Variants in BCAS3 observed in about 807,000 individuals in gnomAD.
BCAS3 encodes the protein BCAS3 microtubule associated cell migration factor, also known as BCAS4/BCAS3 fusion.
A neutral mutation model predicts 116.1 loss-of-function variants in BCAS3; 53 were observed. The observed-to-expected ratio is 0.46, with a 90% CI of 0.37 to 0.57. BCAS3 has a LOEUF of 0.57. Among genes scored for constraint, BCAS3 ranks in the 20% least tolerant of loss-of-function variants. The pLI is 0.00. For synonymous variants in BCAS3, 391 were observed against 408.2 expected, an observed-to-expected ratio of 0.96 and a Z score of 0.51; for missense variants, 917 against 1,165.4, an observed-to-expected ratio of 0.79 and a Z score of 3.10.
At chr17:60,720,048 A>T (rs2039065582) in intron 5 of BCAS3, 1 of 152,212 alleles carries the variant, frequency 6.6e-6, no homozygotes, top group Non-Finnish European at 1.5e-5. Context: ...ATAAGTAATA[A>T]AGGGTTCTCA....
intron 4 of BCAS3, among the ~76,000 whole-genome samples, chr17:60,703,624 G>T (rs2036709589): frequency 6.7e-6 from 1 of 148,792 alleles, no homozygotes. Context: ...CTGTAAGAAA[G>T]ACTTACCTAG....
At chr17:61,166,702 C>T (rs2078527476) in intron 22 of BCAS3, among the ~76,000 whole-genome samples, 2 of 151,774 alleles carry the variant, frequency 1.3e-5, no homozygotes, top group African/African-American at 4.8e-5. Flanking sequence ...CCATCCTGAA[C>T]TTTTTATTAT....
rs113414128 is a variant in BCAS3 at position 61,127,236 on chromosome 17, G to A, written c.2425+42672G>A. Among the ~76,000 whole-genome samples the A allele has an allele frequency of 1.5e-3, 233 of 152,256 alleles. 2 individuals carry two copies. Among genetic ancestry groups the A allele is most frequent in the African/African-American group, 4.7e-3 (194 of 41,548 alleles). On this transcript the variant is annotated intron_variant, in intron 22 of 23. Coordinates refer to ENST00000407086, the MANE Select transcript of BCAS3 (RefSeq NM_017679.5). ...GCTAAATTATTGCTGAATATTGTCC[G>A]TCGCAGATTGAGGGGTCTCTATTCC...
chr17:61,329,337 A>ATTTTTTT (rs199782162), intron 22 of BCAS3, among the ~76,000 whole-genome samples: 1 of 106,228 alleles, frequency 9.4e-6, no homozygotes, highest in South Asian at 3.6e-4. Flanking sequence ...TATTATTATT[A>ATTTTTTT]TTATTATTTT....
At chr17:60,735,601 A>G (rs1207464877) in intron 5 of BCAS3, among the ~76,000 whole-genome samples, 2 of 150,904 alleles carry the variant, frequency 1.3e-5, no homozygotes, top group African/African-American at 2.5e-5. Context: ...CCACAGGTGC[A>G]TGCCACCATG....
chr17:60,788,364 T>C lies in BCAS3; in HGVS notation c.404-19640T>C, dbSNP rs566711232. ...AAAATGGAAGATTTGTGTTTGGTGC[T>C]TTTTAAGGTCTGATGAGTCTAATCT... On this transcript the variant is annotated intron_variant, in intron 6 of 23. Transcript: ENST00000407086. 1.9e-4 allele frequency among the ~76,000 whole-genome samples: 29 copies of C among 152,294 alleles called. No homozygotes were observed. The South Asian group carries it at 5.8e-3, about 30-fold the overall frequency.
At chr17:60,686,565 G>A (rs1014099923) in intron 3 of BCAS3, among the ~76,000 whole-genome samples, 3 of 150,736 alleles carry the variant, frequency 2.0e-5, no homozygotes, top group Non-Finnish European at 2.9e-5. Context: ...CACTCTTGTC[G>A]CCCAGGCTGG....
intron 6 of BCAS3, among the ~76,000 whole-genome samples, chr17:60,749,986 T>G (rs145949411): frequency 6.6e-6 from 1 of 152,074 alleles, no homozygotes; most frequent in Non-Finnish European, 1.5e-5. Flanking sequence ...GCCAACATAG[T>G]GAAACCTCGT....
intron 7 of BCAS3, among the ~76,000 whole-genome samples, chr17:60,829,206 A>T (rs1012571883): frequency 2.0e-5 from 3 of 152,082 alleles, no homozygotes; most frequent in African/African-American, 7.2e-5. Flanking sequence ...GTATAACAAT[A>T]GTAGAGGGTC....
chr17:61,086,838 C>T (rs749911663), intron 22 of BCAS3: 11 of 985,264 alleles, frequency 1.1e-5, no homozygotes, highest in Middle Eastern at 1.0e-3. Context: ...ATTCTCTCTT[C>T]AGCTACCTCT....
At position 60,860,378 on chromosome 17, in the gene BCAS3, A is replaced by G. The variant is rs577156478; in HGVS notation, c.477-8198A>G. ...TTGCTTGTTGACTTATAGATTCTGT[A>G]TATTAGACCTTTGTCAGATGCATAG... is the stretch of plus-strand genomic sequence containing the variant. On this transcript the variant is annotated intron_variant, in intron 7 of 23. Transcript: ENST00000407086. 6.6e-5 allele frequency among the ~76,000 whole-genome samples: 10 copies of G among 152,256 alleles called. No homozygotes were observed. The East Asian group carries it at 1.2e-3, about 18-fold the overall frequency.
chr17:60,695,308 C>T lies in BCAS3; in HGVS notation c.214+5547C>T, dbSNP rs370354742. Reference sequence around the variant, plus strand: ...GCTAATTTTTGTATTTTTGTAGAGACGGGGTTTCATCATGTTGGCCAGGAT... The same window carrying T: ...GCTAATTTTTGTATTTTTGTAGAGATGGGGTTTCATCATGTTGGCCAGGAT... On this transcript the variant is annotated intron_variant, in intron 4 of 23. Coordinates refer to ENST00000407086, the MANE Select transcript of BCAS3 (RefSeq NM_017679.5). 4.6e-5 allele frequency among the ~76,000 whole-genome samples: 7 copies of T among 151,806 alleles called. No homozygotes were observed. The East Asian group carries it at 5.8e-4, about 13-fold the overall frequency.
In BCAS3 at chr17:61,286,254, C is replaced by T. The variant is rs1043591475; in HGVS notation, c.2426-82073C>T. On this transcript the variant is annotated intron_variant, in intron 22 of 23. Coordinates refer to ENST00000407086, the MANE Select transcript of BCAS3 (RefSeq NM_017679.5). This position sits in a 1 kb window ranked among gnomAD's most constrained non-coding sequence, Gnocchi z 4.8. The stretch of plus-strand genomic sequence containing the variant: ...GTGCGGAGGGTCTGCGGGGGTGGGG[C>T]GCTGCCGAATATGAGACATTTCCTC... 6.6e-6 allele frequency among the ~76,000 whole-genome samples: 1 copy of T among 152,194 alleles called. No individual in the cohort carries two copies. Among genetic ancestry groups the T allele is most frequent in the Non-Finnish European group, 1.5e-5 (1 of 68,036 alleles).
At chr17:61,040,708 A>G (rs2067430638) in intron 18 of BCAS3, 84 bp from the exon 19 acceptor site, 4 of 1,089,306 alleles carry the variant, frequency 3.7e-6, no homozygotes, top group African/African-American at 1.6e-5. Flanking sequence ...AGTTTAAGTC[A>G]CTGTTCATAA....
intron 14 of BCAS3, among the ~76,000 whole-genome samples, chr17:60,949,742 A>G (rs2060731317): frequency 6.6e-6 from 1 of 152,242 alleles, no homozygotes; most frequent in Non-Finnish European, 1.5e-5. Flanking sequence ...ATTTTGAAAT[A>G]TACAATAAAT....
At chr17:60,791,358 C>G (rs2046753003) in intron 6 of BCAS3, among the ~76,000 whole-genome samples, 1 of 152,136 alleles carries the variant, frequency 6.6e-6, no homozygotes, top group African/African-American at 2.4e-5. Flanking sequence ...GTTAATGTTA[C>G]AAATGCTTTC....
Position 61,199,134 on chromosome 17 carries a change from A to G in BCAS3, c.2425+114570A>G, listed in dbSNP as rs1238303827. On this transcript the variant is annotated intron_variant, in intron 22 of 23. Coordinates refer to ENST00000407086, the MANE Select transcript of BCAS3 (RefSeq NM_017679.5). The surrounding 1 kb of genome is among the most constrained non-coding windows in gnomAD (Gnocchi z 4.6). ...GTTTTATATTTTTTAACCTTTTCCA[A>G]TCCTTAATACATTTGTGGTCTTACT... Among the ~76,000 whole-genome samples, 1 of 152,154 alleles carries G rather than the reference A, an allele frequency of 6.6e-6. No homozygotes were observed. The highest frequency in any genetic ancestry group is 1.5e-5 in the Non-Finnish European group (1 of 68,034).
intron 7 of BCAS3, chr17:60,810,948 G>C (rs992147292): frequency 5.7e-5 from 39 of 685,050 alleles, no homozygotes; most frequent in Middle Eastern, 4.1e-4. Context: ...AACTGGCTCA[G>C]AAGAACCAAG....
At chr17:60,682,633 C>T (rs1042554723) in intron 2 of BCAS3, among the ~76,000 whole-genome samples, 1 of 152,074 alleles carries the variant, frequency 6.6e-6, no homozygotes, top group African/African-American at 2.4e-5. Flanking sequence ...AGTGATTCTC[C>T]TGCTTCAGCC....
Sources: gnomAD v4.1 joint callset for allele counts (sites outside exome capture counted in the v4.1 genomes callset) on GRCh38, gnomAD v4.1.1 for gene constraint, Gnocchi (gnomAD v3.1) non-coding constraint, MANE v1.5 for transcripts, NCBI Gene and HGNC (gene_info 2026-07-23, HGNC 2026-07-21) for gene names.